QSOX1: variants seen among roughly 807,000 people sequenced by gnomAD.
The protein encoded by QSOX1 is sulfhydryl oxidase 1.
Under a neutral mutation model 76.1 loss-of-function variants are expected in QSOX1, and 40 were observed. The observed-to-expected ratio is 0.53, with a 90% CI of 0.41 to 0.68. QSOX1 has a LOEUF of 0.68. Among genes scored for constraint, QSOX1 ranks in the 30% least tolerant of loss-of-function variants. The pLI is 0.00. For missense variants in QSOX1, 931 were observed against 974.3 expected (o/e 0.96, Z 0.59); for synonymous variants, 392 against 413.1 (o/e 0.95, Z 0.62).
At chr1:180,166,415 A>G in intron 1 of QSOX1, 76 bp from the exon 2 acceptor site, 2 of 1,189,466 alleles carry the variant, frequency 1.7e-6, no homozygotes, top group Admixed American at 1.7e-5. Context: ...GGGGTGAGGC[A>G]TTGCATTAGG....
In QSOX1 at chr1:180,194,371, A is replaced by AG; in HGVS notation, c.1450dup (p.Val484GlyfsTer24). The AG allele has an allele frequency of 6.4e-7, 1 of 1,569,982 alleles. No homozygotes were observed. The highest frequency in any genetic ancestry group is 8.7e-7 in the Non-Finnish European group (1 of 1,152,352). On this transcript the variant is annotated frameshift_variant, in exon 11 of 12. Transcript: ENST00000367602. LOFTEE classifies it high-confidence loss of function. ...CCTCTGGCTCTGGTCTAGCCACAACAGGGTCAATGCTCGCCTTGCAGGTAA... is the reference window on the plus strand; with the variant it reads ...CCTCTGGCTCTGGTCTAGCCACAACAGGGGTCAATGCTCGCCTTGCAGGTAA...
At position 180,182,298 on chromosome 1, in the gene QSOX1, G is replaced by A. The variant is rs890271200; in HGVS notation, c.731G>A (p.Gly244Asp). Residue 244 changes from glycine (G) to aspartate (D), a missense_variant, in exon 6 of 12, where the codon GGC becomes GAC. By Grantham distance (94) the Gly-to-Asp change is moderately conservative. Transcript: ENST00000367602. ...FPSCYLLFRNGSVSRVPVLME... is the reference protein window; with the variant it reads ...FPSCYLLFRNDSVSRVPVLME... The stretch of plus-strand genomic sequence containing the variant: ...TCTTGCTACCTGCTGTTCCGGAATG[G>A]CTCTGTCTCCCGAGTCCCCGTGTGA... 2 of 1,614,240 alleles carry A rather than the reference G, an allele frequency of 1.2e-6. No individual in the cohort carries two copies. Among genetic ancestry groups the A allele is most frequent in the East Asian group, 2.2e-5 (1 of 44,886 alleles).
intron 1 of QSOX1, among the ~76,000 whole-genome samples, chr1:180,157,502 C>A (rs1041830802): frequency 6.6e-6 from 1 of 152,162 alleles, no homozygotes; most frequent in African/African-American, 2.4e-5. Context: ...CTGAGGACAC[C>A]TGTATCTTGA....
chr1:180,158,907 G>A (rs1558182522), intron 1 of QSOX1, among the ~76,000 whole-genome samples: 1 of 152,300 alleles, frequency 6.6e-6, no homozygotes, highest in South Asian at 2.1e-4. Context: ...CCTGGCCCTC[G>A]CTGATCCAGG....
At chr1:180,175,095 T>C (rs1246351811) in intron 2 of QSOX1, among the ~76,000 whole-genome samples, 1 of 149,632 alleles carries the variant, frequency 6.7e-6, no homozygotes, top group African/African-American at 2.5e-5. Context: ...AGGCAGAGCT[T>C]GCAGTGAGCC....
chr1:180,156,002 A>G (rs1662369089), intron 1 of QSOX1, among the ~76,000 whole-genome samples: 1 of 152,266 alleles, frequency 6.6e-6, no homozygotes. Context: ...CCCAAGGGGT[A>G]GAAGGATAGG....
chr1:180,196,311 T>C lies in QSOX1; in HGVS notation c.1518T>C (p.Arg506=). 1 of 1,614,108 alleles carries C rather than the reference T, an allele frequency of 6.2e-7. No homozygotes were observed. The highest frequency in any genetic ancestry group is 1.1e-5 in the South Asian group (1 of 91,080). The change falls in exon 12 of 12, where the codon CGT becomes CGC. Residue 506 remains arginine, a synonymous_variant. Transcript: ENST00000367602. The surrounding 1 kb of genome is among the most constrained non-coding windows in gnomAD (Gnocchi z 4.1). Reference sequence around the variant, plus strand: ...TCCCCAAGGTGCAGTGGCCACCCCGTGAACTTTGTTCTGCCTGCCACAATG... The same window carrying C: ...TCCCCAAGGTGCAGTGGCCACCCCGCGAACTTTGTTCTGCCTGCCACAATG... ...PQFPKVQWPP[R]ELCSACHNER... is the part of the protein sequence containing the mutation.
rs763273936 is a variant in QSOX1, at chr1:180,197,905, C to G, written c.*868C>G. On this transcript the variant is annotated 3_prime_UTR_variant, in exon 12 of 12. Coordinates refer to ENST00000367602, the MANE Select transcript of QSOX1 (RefSeq NM_002826.5). Reference sequence around the variant, plus strand: ...AGCTAGGGAGGGGAGTGTCTTCTCTCTCCAGGTTTCACCTTCCAGTGTGCA... The same window carrying G: ...AGCTAGGGAGGGGAGTGTCTTCTCTGTCCAGGTTTCACCTTCCAGTGTGCA... 2.2e-5 allele frequency: 7 copies of G among 320,286 alleles called. No individual in the cohort carries two copies. Among genetic ancestry groups the G allele is most frequent in the Non-Finnish European group, 4.3e-5 (7 of 161,360 alleles). The allele number at this position is 320,286 out of a possible 1,614,324, so 19.8% of individuals were successfully genotyped here.
intron 6 of QSOX1, among the ~76,000 whole-genome samples, chr1:180,182,755 G>C (rs1663072731): frequency 6.6e-6 from 1 of 152,198 alleles, no homozygotes; most frequent in African/African-American, 2.4e-5. Flanking sequence ...AAAATGCCGA[G>C]AGAAAACAAT....
intron 5 of QSOX1, among the ~76,000 whole-genome samples, chr1:180,180,107 T>C (rs1249571772): frequency 6.6e-6 from 1 of 152,260 alleles, no homozygotes; most frequent in Non-Finnish European, 1.5e-5. Context: ...AGCTGGGATT[T>C]GTAGCACAGT....
chr1:180,180,054 C>G (rs1054364221), intron 5 of QSOX1, among the ~76,000 whole-genome samples: 1 of 152,230 alleles, frequency 6.6e-6, no homozygotes, highest in African/African-American at 2.4e-5. Context: ...TGGTGCTTAG[C>G]GTGGGACCAG....
At chr1:180,192,363 G>A (rs1663340362) in intron 10 of QSOX1, among the ~76,000 whole-genome samples, 1 of 152,182 alleles carries the variant, frequency 6.6e-6, no homozygotes, top group South Asian at 2.1e-4. Context: ...AGAAGCCACT[G>A]GAGAGGCTAA....
chr1:180,188,631 G>A (rs560198369), intron 8 of QSOX1, among the ~76,000 whole-genome samples: 1 of 152,358 alleles, frequency 6.6e-6, no homozygotes, highest in East Asian at 1.9e-4. Context: ...CCCAACGTTT[G>A]ATAGGAATAT....
chr1:180,169,152 G>C lies in QSOX1; in HGVS notation c.366+2561G>C, dbSNP rs142437619. On this transcript the variant is annotated intron_variant, in intron 2 of 11. Coordinates refer to ENST00000367602, the MANE Select transcript of QSOX1 (RefSeq NM_002826.5). Reference sequence around the variant, plus strand: ...GCTGTGTCAGGTCCCCATCAGGTTGGAGCCAGAGCCCAGCTGGAAGGAAAC... The same window carrying C: ...GCTGTGTCAGGTCCCCATCAGGTTGCAGCCAGAGCCCAGCTGGAAGGAAAC... 7.5e-4 allele frequency among the ~76,000 whole-genome samples: 114 copies of C among 152,370 alleles called. No individual in the cohort carries two copies. The East Asian group carries it at 0.017, about 23-fold the overall frequency.
At chr1:180,192,696 A>T (rs999994568) in intron 10 of QSOX1, among the ~76,000 whole-genome samples, 4 of 152,126 alleles carry the variant, frequency 2.6e-5, no homozygotes, top group Non-Finnish European at 5.9e-5. Context: ...GGATGGTGGA[A>T]TCAATGGCCC....
At chr1:180,173,844 T>C (rs1435097811) in intron 2 of QSOX1, among the ~76,000 whole-genome samples, 2 of 152,234 alleles carry the variant, frequency 1.3e-5, no homozygotes, top group East Asian at 3.8e-4. Flanking sequence ...TTTAGATGTA[T>C]GGTCATGGAA....
chr1:180,159,276 G>A (rs1662440890), intron 1 of QSOX1, among the ~76,000 whole-genome samples: 2 of 152,228 alleles, frequency 1.3e-5, no homozygotes, highest in Non-Finnish European at 2.9e-5. Flanking sequence ...GAGCTAGACT[G>A]ATACTACTGA....
At chr1:180,178,667 G>C in intron 4 of QSOX1, 127 bp from the exon 5 acceptor site, 1 of 787,514 alleles carries the variant, frequency 1.3e-6, no homozygotes, top group Non-Finnish European at 2.2e-6. Flanking sequence ...GGAGGGCCCT[G>C]TGTGGAAGCG....
chr1:180,198,559 G>C lies in QSOX1; in HGVS notation c.*1522G>C, dbSNP rs1301774294. The C allele has an allele frequency of 1.6e-5, 6 of 370,192 alleles. No homozygotes were observed. Among genetic ancestry groups the C allele is most frequent in the Non-Finnish European group, 3.3e-5 (6 of 181,552 alleles). 22.9% of individuals were successfully genotyped at this position (370,192 alleles called of 1,614,324 possible). On this transcript the variant is annotated 3_prime_UTR_variant, in exon 12 of 12. Coordinates refer to ENST00000367602, the MANE Select transcript of QSOX1 (RefSeq NM_002826.5). ...TCAGATGGCCTGGGTGCTATGTGGA[G>C]CAGGTGGGATGCCAAGGCCACTCCT... is the stretch of plus-strand genomic sequence containing the variant.
Sources: gnomAD v4.1 joint callset for allele counts (sites outside exome capture counted in the v4.1 genomes callset) on GRCh38, gnomAD v4.1.1 for gene constraint, Gnocchi (gnomAD v3.1) non-coding constraint, MANE v1.5 for transcripts, NCBI Gene and HGNC (gene_info 2026-07-23, HGNC 2026-07-21) for gene names.